The following SUPT3H variants were observed in gnomAD, a reference collection of about 807,000 sequenced individuals.
The protein encoded by SUPT3H is transcription initiation protein SPT3 homolog.
SUPT3H carries 44 observed loss-of-function variants against 44.3 expected under a neutral mutation model. The observed-to-expected ratio is 0.99, with a 90% CI of 0.78 to 1.28. SUPT3H has a LOEUF of 1.28. Among genes scored for constraint, SUPT3H ranks in the 50% most tolerant of loss-of-function variants. SUPT3H has a pLI of 0.00. For missense variants in SUPT3H, 380 were observed against 387.1 expected (o/e 0.98, Z 0.15); for synonymous variants, 124 against 125.6 (o/e 0.99, Z 0.09).
chr6:45,196,887 ATTT>A (rs567001088), intron 2 of SUPT3H, among the ~76,000 whole-genome samples: 1 of 151,690 alleles, frequency 6.6e-6, no homozygotes, highest in Non-Finnish European at 1.5e-5. Context: ...TTGCTATATT[ATTT>A]TTTTAAAACC....
chr6:45,131,677 A>G (rs1195029753), intron 2 of SUPT3H, among the ~76,000 whole-genome samples: 1 of 152,240 alleles, frequency 6.6e-6, no homozygotes, highest in Non-Finnish European at 1.5e-5. Flanking sequence ...ATGAAAAAAG[A>G]AGAAAATCTA....
intron 2 of SUPT3H, among the ~76,000 whole-genome samples, chr6:45,251,919 G>A (rs1406169843): frequency 1.3e-5 from 2 of 151,598 alleles, no homozygotes; most frequent in Non-Finnish European, 2.9e-5. Flanking sequence ...AAAGGTCATC[G>A]ATAAGAAAAA....
intron 1 of SUPT3H, among the ~76,000 whole-genome samples, chr6:45,370,081 A>G (rs1366552799): frequency 6.6e-6 from 1 of 152,204 alleles, no homozygotes; most frequent in Admixed American, 6.5e-5. Context: ...GAAATGTTTT[A>G]GGTTTAAAAA....
In SUPT3H at chr6:45,024,525, C is replaced by T. The variant is rs114925213; in HGVS notation, c.187-3893G>A. Among the ~76,000 whole-genome samples the T allele has an allele frequency of 9.2e-3, 1,393 of 152,180 alleles. 20 individuals are homozygous for T. Among genetic ancestry groups the T allele is most frequent in the African/African-American group, 0.032 (1,331 of 41,512 alleles). ...TAAATTCAATGTGGTCTTTAAAGCT[C>T]GAATGATTCACATATTTTCCCTGCC... On this transcript the variant is annotated intron_variant, in intron 3 of 10. Coordinates refer to ENST00000371459, the MANE Select transcript of SUPT3H (RefSeq NM_003599.4).
chr6:44,862,952 A>C (rs1244809181), intron 10 of SUPT3H, among the ~76,000 whole-genome samples: 1 of 152,180 alleles, frequency 6.6e-6, no homozygotes, highest in Non-Finnish European at 1.5e-5. Flanking sequence ...CTCTTAAGCA[A>C]ACATTTTAGT....
At chr6:45,143,627 T>C (rs1805588977) in intron 2 of SUPT3H, among the ~76,000 whole-genome samples, 1 of 151,868 alleles carries the variant, frequency 6.6e-6, no homozygotes, top group Non-Finnish European at 1.5e-5. Context: ...CAATCTAAGG[T>C]CACACCTCAA....
At chr6:44,810,752 A>G (rs988523870) in intron 11 of SUPT3H, among the ~76,000 whole-genome samples, 3 of 152,016 alleles carry the variant, frequency 2.0e-5, no homozygotes, top group African/African-American at 7.3e-5. Context: ...TTAAAAATAC[A>G]AAAATTAGCC....
At chr6:45,168,337 A>G (rs896944018) in intron 2 of SUPT3H, among the ~76,000 whole-genome samples, 2 of 152,114 alleles carry the variant, frequency 1.3e-5, no homozygotes, top group Non-Finnish European at 1.5e-5. Flanking sequence ...CGAATTTTGG[A>G]ATATTTGCAT....
intron 2 of SUPT3H, among the ~76,000 whole-genome samples, chr6:45,138,821 T>A (rs905207717): frequency 6.6e-6 from 1 of 152,178 alleles, no homozygotes. Flanking sequence ...TAAAAATCAT[T>A]CAACACTTAT....
At chr6:45,328,319 G>GT in intron 2 of SUPT3H, 1 of 1,370,806 alleles carries the variant, frequency 7.3e-7, no homozygotes, top group Non-Finnish European at 9.8e-7. Context: ...TTTGGATTGT[G>GT]TGAATGCTTC....
intron 3 of SUPT3H, among the ~76,000 whole-genome samples, chr6:45,058,411 A>T (rs1196268330): frequency 1.3e-5 from 2 of 152,192 alleles, no homozygotes; most frequent in East Asian, 3.8e-4. Context: ...ACAAATATAT[A>T]CTGAACACCT....
chr6:45,088,238 G>A (rs1796718759), intron 3 of SUPT3H, among the ~76,000 whole-genome samples: 2 of 151,996 alleles, frequency 1.3e-5, no homozygotes, highest in South Asian at 2.1e-4. Context: ...AAGAATATTG[G>A]CAATAAAAAG....
chr6:45,227,343 T>G (rs536181037), intron 2 of SUPT3H, among the ~76,000 whole-genome samples: 182 of 152,278 alleles, frequency 1.2e-3, no homozygotes, highest in African/African-American at 4.1e-3. Flanking sequence ...AGTAATATGT[T>G]AATTAGTTTG....
intron 3 of SUPT3H, among the ~76,000 whole-genome samples, chr6:45,055,994 C>A (rs1397431621): frequency 2.6e-5 from 4 of 151,908 alleles, no homozygotes; most frequent in African/African-American, 7.3e-5. Flanking sequence ...TACAAATAAT[C>A]TCATCAAAAA....
chr6:44,911,439 C>A (rs775765557), intron 10 of SUPT3H, among the ~76,000 whole-genome samples: 18 of 152,134 alleles, frequency 1.2e-4, no homozygotes, highest in Non-Finnish European at 2.4e-4. Context: ...AAAGACGATG[C>A]ATTACTTACG....
At chr6:45,092,086 T>C (rs1324483607) in intron 3 of SUPT3H, among the ~76,000 whole-genome samples, 2 of 152,188 alleles carry the variant, frequency 1.3e-5, no homozygotes, top group East Asian at 3.9e-4. Flanking sequence ...TGTGTATTTG[T>C]GTTTTTAGCA....
chr6:45,163,040 T>G (rs1268548605), intron 2 of SUPT3H, among the ~76,000 whole-genome samples: 1 of 152,180 alleles, frequency 6.6e-6, no homozygotes, highest in Non-Finnish European at 1.5e-5. Context: ...TGCTGGCCTA[T>G]GAAATTACAG....
intron 2 of SUPT3H, among the ~76,000 whole-genome samples, chr6:45,306,919 C>T (rs1308709620): frequency 6.6e-6 from 1 of 152,210 alleles, no homozygotes; most frequent in Non-Finnish European, 1.5e-5. Context: ...TCACTCCCAC[C>T]CTAACACTGC....
intron 2 of SUPT3H, among the ~76,000 whole-genome samples, chr6:45,188,212 A>G (rs1814569657): frequency 6.6e-6 from 1 of 152,284 alleles, no homozygotes; most frequent in South Asian, 2.1e-4. Context: ...CCAATTTGCC[A>G]AAGAGATGCC....
Sources: gnomAD v4.1 joint callset for allele counts (sites outside exome capture counted in the v4.1 genomes callset) on GRCh38, gnomAD v4.1.1 for gene constraint, MANE v1.5 for transcripts, NCBI Gene and HGNC (gene_info 2026-07-23, HGNC 2026-07-21) for gene names.